The following CRB1 variants were observed in gnomAD, a reference collection of about 807,000 sequenced individuals.
CRB1 encodes the protein protein crumbs homolog 1.
Under a neutral mutation model 120.0 loss-of-function variants are expected in CRB1, and 83 were observed. The observed-to-expected ratio is 0.69, with a 90% confidence interval of 0.58 to 0.83. CRB1 has a LOEUF of 0.83. Among genes scored for constraint, CRB1 ranks in the 40% least tolerant of loss-of-function variants. The probability of loss-of-function intolerance (pLI) is 0.00; values close to 1 mark genes in which losing one functional copy is unlikely to be tolerated. For missense variants in CRB1, 1,699 were observed against 1,687.6 expected, an observed-to-expected ratio of 1.01 and a Z score of -0.12; for synonymous variants, 625 against 612.5, an observed-to-expected ratio of 1.02 and a Z score of -0.30.
the CRB1 span, among the ~76,000 whole-genome samples, chr1:197,244,294 T>C: frequency 6.6e-6 from 1 of 152,136 alleles, no homozygotes; most frequent in Non-Finnish European, 1.5e-5. Context: ...ATTTGGTATG[T>C]TTTTGCAGTG....
intron 1 of CRB1, among the ~76,000 whole-genome samples, chr1:197,318,098 C>A (rs901330789): frequency 2.0e-5 from 3 of 152,080 alleles, no homozygotes; most frequent in Non-Finnish European, 4.4e-5. Context: ...GAAAACTCTA[C>A]ATCTAATAAG....
At chr1:197,399,429 A>G (rs949743335) in intron 5 of CRB1, among the ~76,000 whole-genome samples, 17 of 152,308 alleles carry the variant, frequency 1.1e-4, no homozygotes, top group African/African-American at 2.6e-4. Flanking sequence ...GTAAGAAATC[A>G]AGTAGATATG....
chr1:197,362,080 C>A (rs1660799303), intron 5 of CRB1, among the ~76,000 whole-genome samples: 1 of 151,946 alleles, frequency 6.6e-6, no homozygotes, highest in African/African-American at 2.4e-5. Context: ...TCCTTTTTGA[C>A]ATCCTTTTTG....
At chr1:197,410,864 A>G (rs1196899222) in intron 5 of CRB1, among the ~76,000 whole-genome samples, 1 of 152,222 alleles carries the variant, frequency 6.6e-6, no homozygotes, top group African/African-American at 2.4e-5. Flanking sequence ...CACAGCTTCA[A>G]TGTCAGGAAA....
chr1:197,283,839 T>C, intron 1 of CRB1, among the ~76,000 whole-genome samples: 1 of 151,566 alleles, frequency 6.6e-6, no homozygotes, highest in South Asian at 2.1e-4. Flanking sequence ...TTAAAAATAA[T>C]TTAGTTATTC....
intron 1 of CRB1, among the ~76,000 whole-genome samples, chr1:197,273,013 C>A (rs1337847143): frequency 6.6e-6 from 1 of 152,144 alleles, no homozygotes. Context: ...TGGGGAAAAA[C>A]TGTTCACCTA....
At chr1:197,416,127 A>G (rs1028669) in intron 5 of CRB1, among the ~76,000 whole-genome samples, 3,128 of 152,258 alleles carry the variant, frequency 0.021, 112 homozygotes, top group African/African-American at 0.071. Flanking sequence ...TATTGTCTTG[A>G]CTTGCACTAT....
intron 5 of CRB1, among the ~76,000 whole-genome samples, chr1:197,409,513 A>C (rs1008073314): frequency 5.3e-5 from 8 of 151,780 alleles, no homozygotes; most frequent in African/African-American, 1.9e-4. Context: ...TTTTGTTCCT[A>C]TTTTCAATAT....
chr1:197,260,157 G>T, the CRB1 span, among the ~76,000 whole-genome samples: 1 of 150,556 alleles, frequency 6.6e-6, no homozygotes, highest in Admixed American at 6.6e-5. Context: ...CCTAAAAAAA[G>T]AAAGAGAGAG....
chr1:197,451,562 C>G (rs1039276394), intron 11 of CRB1, among the ~76,000 whole-genome samples: 1 of 152,128 alleles, frequency 6.6e-6, no homozygotes, highest in Non-Finnish European at 1.5e-5. Context: ...GAAACTGAAC[C>G]TAACACTGTC....
At chr1:197,401,056 A>G (rs1026739455) in intron 5 of CRB1, among the ~76,000 whole-genome samples, 2 of 152,010 alleles carry the variant, frequency 1.3e-5, no homozygotes, top group Non-Finnish European at 2.9e-5. Flanking sequence ...CTACCTCACA[A>G]TATCTTTAAA....
At chr1:197,208,948 T>TA in the CRB1 span, among the ~76,000 whole-genome samples, 2 of 152,058 alleles carry the variant, frequency 1.3e-5, no homozygotes, top group Non-Finnish European at 2.9e-5. Context: ...CCAATGGAGT[T>TA]ACGTTCCCAG....
At chr1:197,386,122 C>T (rs1662205616) in intron 5 of CRB1, among the ~76,000 whole-genome samples, 1 of 151,970 alleles carries the variant, frequency 6.6e-6, no homozygotes, top group Non-Finnish European at 1.5e-5. Flanking sequence ...GGGTAAAACA[C>T]TACCCCTGAA....
chr1:197,323,641 A>T (rs1241363896), intron 1 of CRB1, among the ~76,000 whole-genome samples: 1 of 152,156 alleles, frequency 6.6e-6, no homozygotes. Context: ...ATTTTTCATG[A>T]TTGACAGTGA....
the CRB1 span, among the ~76,000 whole-genome samples, chr1:197,255,757 A>C: frequency 2.0e-5 from 3 of 151,832 alleles, no homozygotes; most frequent in Non-Finnish European, 2.9e-5. Context: ...GTAATAAAGC[A>C]AATTTAATGA....
the CRB1 span, chr1:197,222,348 G>T: frequency 1.3e-6 from 1 of 748,160 alleles, no homozygotes; most frequent in Non-Finnish European, 2.5e-6. Context: ...AGACGTGGCT[G>T]CATTGTCCAT....
chr1:197,241,451 A>G, the CRB1 span, among the ~76,000 whole-genome samples: 1 of 152,188 alleles, frequency 6.6e-6, no homozygotes, highest in Admixed American at 6.5e-5. Flanking sequence ...CATTTATTAA[A>G]TAAGGAATTC....
intron 11 of CRB1, among the ~76,000 whole-genome samples, chr1:197,457,784 T>C (rs1666351610): frequency 6.6e-6 from 1 of 152,126 alleles, no homozygotes; most frequent in African/African-American, 2.4e-5. Flanking sequence ...CCTTGACATG[T>C]TTTTTTGTAT....
intron 5 of CRB1, among the ~76,000 whole-genome samples, chr1:197,420,082 T>C (rs1229606537): frequency 2.6e-5 from 4 of 152,112 alleles, no homozygotes; most frequent in East Asian, 1.9e-4. Context: ...CACCTCAATT[T>C]ACTCTGTGAA....
Sources: gnomAD v4.1 joint callset for allele counts (sites outside exome capture counted in the v4.1 genomes callset) on GRCh38, gnomAD v4.1.1 for gene constraint, MANE v1.5 for transcripts, NCBI Gene and HGNC (gene_info 2026-07-23, HGNC 2026-07-21) for gene names.